The following RBM6 variants were observed in gnomAD, a reference collection of about 807,000 sequenced individuals.
RBM6 encodes RNA binding motif protein 6.
A neutral mutation model predicts 140.4 loss-of-function variants in RBM6; 23 were observed. The observed-to-expected ratio is 0.16, with a 90% CI of 0.12 to 0.23. The LOEUF (loss-of-function observed/expected upper bound fraction) is 0.23. Among genes scored for constraint, RBM6 ranks in the 10% least tolerant of loss-of-function variants. The probability of loss-of-function intolerance (pLI) is 1.00; values close to 1 mark genes in which losing one functional copy is unlikely to be tolerated. For synonymous variants in RBM6, 439 were observed against 475.6 expected (o/e 0.92, Z 1.00); for missense variants, 1,139 against 1,386.7 (o/e 0.82, Z 2.84).
chr3:49,949,680 A>AT (rs1418583207), intron 1 of RBM6, among the ~76,000 whole-genome samples: 1 of 151,702 alleles, frequency 6.6e-6, no homozygotes, highest in African/African-American at 2.4e-5. Flanking sequence ...TGCTCAGCCA[A>AT]TTTTTTGTAT....
At position 50,061,567 on chromosome 3, in the gene RBM6, T is replaced by A; in HGVS notation, c.2439+20T>A. The stretch of plus-strand genomic sequence containing the variant: ...ACCCAGGTGAGTTTGGGGCTTTTTT[T>A]TTTTTTTTTTTTTTTTTACCTCTGT... On this transcript the variant is annotated intron_variant, in intron 14 of 20. Coordinates refer to ENST00000266022, the MANE Select transcript of RBM6 (RefSeq NM_005777.3). The A allele has an allele frequency of 6.7e-7, 1 of 1,484,964 alleles. No individual in the cohort carries two copies. Among genetic ancestry groups the A allele is most frequent in the Admixed American group, 2.2e-5 (1 of 45,364 alleles). The allele number at this position is 1,484,964 out of a possible 1,614,324, so 92.0% of individuals were successfully genotyped here.
At chr3:50,016,234 G>A (rs1335253457) in intron 6 of RBM6, among the ~76,000 whole-genome samples, 1 of 152,170 alleles carries the variant, frequency 6.6e-6, no homozygotes, top group African/African-American at 2.4e-5. Context: ...ACTTAGCTAA[G>A]TGTCCTTCAT....
In RBM6 at chr3:50,031,515, C is replaced by T. The variant is rs557328687; in HGVS notation, c.1558-16730C>T. On this transcript the variant is annotated intron_variant, in intron 6 of 20. Transcript: ENST00000266022. Reference sequence around the variant, plus strand: ...CGGACACCACATGTTCTCACTTATACGTGGGAATTGAACAATGAGAACACT... The same window carrying T: ...CGGACACCACATGTTCTCACTTATATGTGGGAATTGAACAATGAGAACACT... 5.3e-5 allele frequency among the ~76,000 whole-genome samples: 8 copies of T among 149,736 alleles called. No homozygotes were observed. In the East Asian group the frequency reaches 9.8e-4, roughly 18 times the overall value.
intron 20 of RBM6, 61 bp from the exon 21 acceptor site, chr3:50,076,947 G>T: frequency 1.3e-6 from 2 of 1,520,590 alleles, no homozygotes; most frequent in South Asian, 2.5e-5. Flanking sequence ...TGTGGTCAAA[G>T]ACCAGCGCTG....
intron 6 of RBM6, among the ~76,000 whole-genome samples, chr3:50,011,294 A>G (rs186541596): frequency 6.6e-6 from 1 of 152,182 alleles, no homozygotes; most frequent in South Asian, 2.1e-4. Context: ...TAAGCTAAAC[A>G]TCTGAAAGAT....
chr3:50,026,963 G>A (rs908764798), intron 6 of RBM6, among the ~76,000 whole-genome samples: 2 of 151,364 alleles, frequency 1.3e-5, no homozygotes, highest in East Asian at 1.9e-4. Flanking sequence ...GATTTCATTC[G>A]CATCCCTAAA....
In RBM6 at chr3:49,972,170, G is replaced by GT. The variant is rs769480167; in HGVS notation, c.1413+25dup. 2.2e-4 allele frequency: 340 copies of GT among 1,521,270 alleles called. 1 individual carries two copies. The highest frequency in any genetic ancestry group is 2.1e-4 in the Non-Finnish European group (237 of 1,114,686). The allele number at this position is 1,521,270 out of a possible 1,614,324, so 94.2% of individuals were successfully genotyped here. ...AGAGGTAAGGCATGTCTTCTCTCCT[G>GT]TTTCTCTGTGTCAATTAAAAATTAA... is the stretch of plus-strand genomic sequence containing the variant. On this transcript the variant is annotated intron_variant, in intron 4 of 20. Coordinates refer to ENST00000266022, the MANE Select transcript of RBM6 (RefSeq NM_005777.3).
At chr3:49,961,898 G>A (rs188706439) in intron 1 of RBM6, among the ~76,000 whole-genome samples, 3 of 152,114 alleles carry the variant, frequency 2.0e-5, no homozygotes, top group Non-Finnish European at 1.5e-5. Flanking sequence ...GCTCATGCCT[G>A]TAATCCTAGC....
At position 50,075,215 on chromosome 3, in the gene RBM6, T is replaced by C; in HGVS notation, c.3131T>C (p.Val1044Ala). The C allele has an allele frequency of 2.5e-6, 4 of 1,613,476 alleles. No individual in the cohort carries two copies. Among genetic ancestry groups the C allele is most frequent in the Non-Finnish European group, 3.4e-6 (4 of 1,179,940 alleles). Residue 1044 changes from valine (V) to alanine (A), a missense_variant, in exon 20 of 21, where the codon GTT (valine) becomes GCT (alanine). By Grantham distance (64) the Val-to-Ala change is moderately conservative (BLOSUM62 0). Around this residue, in one of 9 missense-constraint regions of RBM6, gnomAD observed 125 missense variants for 142.0 expected, o/e 0.88. Transcript: ENST00000266022. ...SRETDSDRKL[V>A]DKEDIDTSSK... ...TTCTTTTGCAGTGATCGTAAACTTG[T>C]TGATAAAGAAGATATCGACACTAGC...
chr3:50,003,212 A>G (rs534547549), intron 6 of RBM6, among the ~76,000 whole-genome samples: 8 of 151,556 alleles, frequency 5.3e-5, no homozygotes, highest in African/African-American at 1.9e-4. Flanking sequence ...GCTCAAGCTT[A>G]TAATCCCACC....
At chr3:49,940,631 C>T (rs2108552406) in intron 1 of RBM6, 1 of 155,444 alleles carries the variant, frequency 6.4e-6, no homozygotes, top group East Asian at 1.9e-4. Context: ...GTGCTTAGCA[C>T]GTAGCCTCGT....
At chr3:49,952,377 GCTGGTCTCAGA>G (rs2083774670) in intron 1 of RBM6, among the ~76,000 whole-genome samples, 1 of 151,918 alleles carries the variant, frequency 6.6e-6, no homozygotes, top group South Asian at 2.1e-4. Flanking sequence ...TGTTGGCCAG[GCTGGTCTCAGA>G]CTCCTGACCT....
In RBM6 at chr3:50,041,561, A is replaced by T. The variant is rs1045939039; in HGVS notation, c.1558-6684A>T. 5.9e-5 allele frequency among the ~76,000 whole-genome samples: 9 copies of T among 152,246 alleles called. No individual in the cohort carries two copies. In the East Asian group the frequency reaches 1.5e-3, roughly 26 times the overall value. ...GGATTTCTATAAAAAGTAATCTTTTATACTAAGAGAAATGACACATCTGTT... is the reference window on the plus strand; with the variant it reads ...GGATTTCTATAAAAAGTAATCTTTTTTACTAAGAGAAATGACACATCTGTT... On this transcript the variant is annotated intron_variant, in intron 6 of 20. Coordinates refer to ENST00000266022, the MANE Select transcript of RBM6 (RefSeq NM_005777.3).
intron 15 of RBM6, 44 bp from the exon 16 acceptor site, chr3:50,064,986 TA>T (rs1180128127): frequency 6.6e-7 from 1 of 1,517,432 alleles, no homozygotes; most frequent in South Asian, 1.1e-5. Flanking sequence ...CTTTATCAGT[TA>T]TTATGAGTGA....
At chr3:49,966,629 G>T (rs778324499) in intron 2 of RBM6, among the ~76,000 whole-genome samples, 5 of 152,174 alleles carry the variant, frequency 3.3e-5, no homozygotes, top group African/African-American at 4.8e-5. Context: ...TGGAATATCA[G>T]CTTCTTCATT....
intron 6 of RBM6, among the ~76,000 whole-genome samples, chr3:50,030,122 A>G (rs953690181): frequency 1.3e-5 from 2 of 151,804 alleles, no homozygotes; most frequent in East Asian, 1.9e-4. Context: ...ACAAATATAT[A>G]TAAAAGCTGG....
intron 6 of RBM6, among the ~76,000 whole-genome samples, chr3:50,029,751 T>A (rs2088041756): frequency 6.6e-6 from 1 of 151,342 alleles, no homozygotes; most frequent in Admixed American, 6.6e-5. Context: ...ATAATAATAA[T>A]AAATAAATAA....
At chr3:49,969,641 G>A (rs1242587887) in intron 3 of RBM6, among the ~76,000 whole-genome samples, 2 of 151,060 alleles carry the variant, frequency 1.3e-5, no homozygotes, top group Admixed American at 6.6e-5. Flanking sequence ...TCTGTCACTC[G>A]GGCTGAAGTG....
chr3:50,013,781 G>A (rs1020852519), intron 6 of RBM6, among the ~76,000 whole-genome samples: 3 of 152,214 alleles, frequency 2.0e-5, no homozygotes, highest in African/African-American at 2.4e-5. Flanking sequence ...CAAAGGGGAA[G>A]CAAACTTTCC....
Sources: allele counts gnomAD v4.1 joint callset (sites outside exome capture counted in the v4.1 genomes callset), GRCh38; gene constraint gnomAD v4.1.1; regional missense constraint gnomAD v4.1.1; transcripts MANE v1.5; gene names NCBI Gene and HGNC (gene_info 2026-07-23, HGNC 2026-07-21).